The following DENND5B variants were observed in gnomAD, a reference collection of about 807,000 sequenced individuals.
The protein encoded by DENND5B is DENN domain containing 5B, also known as DENN domain-containing protein 5B.
DENND5B carries 34 observed loss-of-function variants against 140.6 expected under a neutral mutation model. The observed-to-expected ratio is 0.24, with a 90% confidence interval of 0.18 to 0.32. DENND5B has a LOEUF of 0.32. DENND5B is among the 10% of genes least tolerant of loss of function. The probability of loss-of-function intolerance (pLI) is 1.00; values close to 1 mark genes in which losing one functional copy is unlikely to be tolerated. For synonymous variants in DENND5B, 551 were observed against 562.1 expected (o/e 0.98, Z 0.28); for missense variants, 1,142 against 1,560.2 (o/e 0.73, Z 4.52).
At chr12:31,542,347 G>C (rs1948708726) in intron 1 of DENND5B, among the ~76,000 whole-genome samples, 1 of 151,614 alleles carries the variant, frequency 6.6e-6, no homozygotes, top group Admixed American at 6.6e-5. Flanking sequence ...TAGAAGGATA[G>C]TTACCAGAGG....
At chr12:31,547,123 G>A (rs1390120181) in intron 1 of DENND5B, among the ~76,000 whole-genome samples, 1 of 152,290 alleles carries the variant, frequency 6.6e-6, no homozygotes, top group African/African-American at 2.4e-5. Context: ...TGAGGAACCT[G>A]TGCCTGTGTG....
intron 1 of DENND5B, among the ~76,000 whole-genome samples, chr12:31,501,264 C>A (rs1347957085): frequency 1.3e-5 from 2 of 152,120 alleles, no homozygotes; most frequent in Non-Finnish European, 2.9e-5. Flanking sequence ...GGCTTTCCCC[C>A]ACTTCACTCT....
At position 31,397,987 on chromosome 12, in the gene DENND5B, T is replaced by C. The variant is rs371085587; in HGVS notation, c.3256+188A>G. Among the ~76,000 whole-genome samples the C allele has an allele frequency of 1.1e-4, 16 of 152,282 alleles. 1 individual carries two copies. Among genetic ancestry groups the C allele is most frequent in the African/African-American group, 3.6e-4 (15 of 41,556 alleles). ...TCCACAGCTTAATAAAAACAGAGCA[T>C]GCAAGTTTTTTAAAAAATTAGATTT... On this transcript the variant is annotated intron_variant, in intron 17 of 20. Coordinates refer to ENST00000389082, the MANE Select transcript of DENND5B (RefSeq NM_144973.4).
At chr12:31,563,067 A>C (rs1158319998) in intron 1 of DENND5B, among the ~76,000 whole-genome samples, 1 of 152,166 alleles carries the variant, frequency 6.6e-6, no homozygotes, top group Non-Finnish European at 1.5e-5. Flanking sequence ...TTTTTGTTTA[A>C]AAGGTGGCAA....
In DENND5B at chr12:31,396,053, C is replaced by CCTGTTT. The variant is rs1399702795; in HGVS notation, c.3256+2121_3256+2122insAAACAG. 1.8e-3 allele frequency among the ~76,000 whole-genome samples: 187 copies of CCTGTTT among 102,818 alleles called. 11 individuals are homozygous for CCTGTTT. The highest frequency in any genetic ancestry group is 2.4e-3 in the Non-Finnish European group (125 of 51,516). 67.5% of individuals were successfully genotyped at this position (102,818 alleles called of 152,430 possible). On this transcript the variant is annotated intron_variant, in intron 17 of 20. Coordinates refer to ENST00000389082, the MANE Select transcript of DENND5B (RefSeq NM_144973.4). The stretch of plus-strand genomic sequence containing the variant: ...TAGCTTCTGGTGGCTGTTGGCATTC[C>CCTGTTT]TTGTTTTTTTTTTTTTTTTTTTTTT...
intron 11 of DENND5B, among the ~76,000 whole-genome samples, chr12:31,419,398 A>G (rs1021412666): frequency 6.6e-6 from 1 of 151,916 alleles, no homozygotes; most frequent in African/African-American, 2.4e-5. Context: ...GGCCGAAATC[A>G]TGCCATTGCA....
intron 20 of DENND5B, among the ~76,000 whole-genome samples, chr12:31,388,827 A>G (rs1328788300): frequency 2.0e-5 from 3 of 152,220 alleles, no homozygotes; most frequent in Admixed American, 2.0e-4. Flanking sequence ...ATATAGTGGT[A>G]TATATACACT....
chr12:31,544,586 A>G (rs1318362160), intron 1 of DENND5B, among the ~76,000 whole-genome samples: 1 of 152,198 alleles, frequency 6.6e-6, no homozygotes, highest in Admixed American at 6.5e-5. Context: ...TGCCCAGCCA[A>G]TAACTATCAA....
At chr12:31,561,225 G>A (rs577274894) in intron 1 of DENND5B, among the ~76,000 whole-genome samples, 2 of 152,310 alleles carry the variant, frequency 1.3e-5, no homozygotes, top group South Asian at 4.1e-4. Context: ...GGCAAAGCCC[G>A]CAATTTAAAG....
chr12:31,455,661 A>G (rs1162809034), intron 4 of DENND5B, among the ~76,000 whole-genome samples: 1 of 152,208 alleles, frequency 6.6e-6, no homozygotes, highest in Non-Finnish European at 1.5e-5. Flanking sequence ...TTGCTTTAGG[A>G]CTAAATATTT....
intron 1 of DENND5B, among the ~76,000 whole-genome samples, chr12:31,569,923 C>T (rs1372136616): frequency 2.6e-5 from 4 of 151,936 alleles, no homozygotes; most frequent in East Asian, 3.9e-4. Context: ...TGGCCTGGTG[C>T]GGTGGCTCAT....
intron 7 of DENND5B, among the ~76,000 whole-genome samples, chr12:31,435,042 T>A (rs2137868846): frequency 6.6e-6 from 1 of 152,216 alleles, no homozygotes; most frequent in South Asian, 2.1e-4. Context: ...ACTACTCCCA[T>A]TCTAGCACTC....
chr12:31,432,145 C>A (rs948395144), intron 8 of DENND5B: 12 of 984,708 alleles, frequency 1.2e-5, no homozygotes, highest in Non-Finnish European at 1.4e-5. Context: ...CCAAAAGTTC[C>A]CCGGAAGGCT....
intron 1 of DENND5B, among the ~76,000 whole-genome samples, chr12:31,511,784 G>C (rs1474029422): frequency 6.6e-6 from 1 of 151,472 alleles, no homozygotes; most frequent in Non-Finnish European, 1.5e-5. Flanking sequence ...TGTACTCTTA[G>C]GTCTGAATTA....
intron 1 of DENND5B, chr12:31,541,113 A>T (rs1048265289): frequency 2.6e-5 from 11 of 421,088 alleles, no homozygotes; most frequent in Non-Finnish European, 4.7e-5. Flanking sequence ...TACTAAAAGA[A>T]AACATTGGGG....
intron 14 of DENND5B, among the ~76,000 whole-genome samples, chr12:31,403,810 C>T (rs1368501082): frequency 2.8e-5 from 4 of 140,652 alleles, no homozygotes; most frequent in East Asian, 2.1e-4. Context: ...GCAGGAGAAT[C>T]GCTTGAACCC....
rs1469562737 is a variant in DENND5B at position 31,399,193 on chromosome 12, C to T, written c.3068+461G>A. Among the ~76,000 whole-genome samples the T allele has an allele frequency of 2.5e-4, 23 of 92,076 alleles. 1 individual carries two copies. Among genetic ancestry groups the T allele is most frequent in the African/African-American group, 8.2e-4 (21 of 25,582 alleles). 60.4% of individuals were successfully genotyped at this position (92,076 alleles called of 152,430 possible). ...TTTTTTGGGGGGCAATTTTGTATGA[C>T]ATAAACAAAAAAAAAATTGCCCCCC... On this transcript the variant is annotated intron_variant, in intron 16 of 20. Coordinates refer to ENST00000389082, the MANE Select transcript of DENND5B (RefSeq NM_144973.4).
intron 1 of DENND5B, among the ~76,000 whole-genome samples, chr12:31,505,748 C>T (rs1377556395): frequency 6.6e-6 from 1 of 152,004 alleles, no homozygotes; most frequent in Admixed American, 6.6e-5. Context: ...GGGGTCTCTG[C>T]AAATTCATCG....
At chr12:31,490,575 C>T (rs974027583) in intron 2 of DENND5B, among the ~76,000 whole-genome samples, 3 of 151,220 alleles carry the variant, frequency 2.0e-5, no homozygotes, top group African/African-American at 7.3e-5. Context: ...TGCACCAGTG[C>T]ACTCCAGTCT....
Sources: gnomAD v4.1 joint callset for allele counts (sites outside exome capture counted in the v4.1 genomes callset) on GRCh38, gnomAD v4.1.1 for gene constraint, MANE v1.5 for transcripts, NCBI Gene and HGNC (gene_info 2026-07-23, HGNC 2026-07-21) for gene names.